HIF1AN: variants seen among roughly 807,000 people sequenced by gnomAD.
HIF1AN encodes hypoxia inducible factor 1 subunit alpha inhibitor, also known as hypoxia-inducible factor 1-alpha inhibitor.
A neutral mutation model predicts 47.7 loss-of-function variants in HIF1AN; 21 were observed. The ratio of observed to expected loss-of-function variants is 0.44; its 90% confidence interval spans 0.31 to 0.63. The LOEUF (loss-of-function observed/expected upper bound fraction) is 0.63. HIF1AN is among the 30% of genes least tolerant of loss of function. The pLI, the probability that HIF1AN is intolerant of heterozygous loss-of-function variation, is 0.07. For missense variants in HIF1AN, 320 were observed against 432.7 expected, an observed-to-expected ratio of 0.74 and a Z score of 2.31; for synonymous variants, 152 against 155.9, an observed-to-expected ratio of 0.98 and a Z score of 0.18.
At chr10:100,540,161 CTT>C (rs71976123) in intron 2 of HIF1AN, among the ~76,000 whole-genome samples, 38 of 143,478 alleles carry the variant, frequency 2.6e-4, no homozygotes, top group East Asian at 4.0e-4. Context: ...TCTCCAGGTT[CTT>C]TTTTTTTTTT....
intron 3 of HIF1AN, among the ~76,000 whole-genome samples, chr10:100,543,427 CCCTCTCACCTTGGCCCCCTAAGTGAT>C (rs1159928411): frequency 6.6e-5 from 10 of 152,016 alleles, no homozygotes; most frequent in Non-Finnish European, 1.3e-4. Flanking sequence ...ACTCCTGGCC[CCCTCTCACCTTGGCCCCCTAAGTGAT>C]CCTCTCACCT....
intron 3 of HIF1AN, among the ~76,000 whole-genome samples, chr10:100,542,499 G>A (rs375384490): frequency 9.9e-5 from 15 of 151,998 alleles, no homozygotes; most frequent in African/African-American, 3.4e-4. Context: ...GACTACGGGC[G>A]CCCGCCACCA....
chr10:100,543,085 G>C (rs1843059004), intron 3 of HIF1AN, among the ~76,000 whole-genome samples: 1 of 152,094 alleles, frequency 6.6e-6, no homozygotes, highest in South Asian at 2.1e-4. Flanking sequence ...GTTTCTTCTT[G>C]TTTGATTGTC....
In HIF1AN at chr10:100,545,134, G is replaced by GATAT. The variant is rs1843081526; in HGVS notation, c.723+40_723+41insATAT. Reference sequence around the variant, plus strand: ...GGTCTGAGAAGGGTATAGAACTCTAGATTCTAGTAATGCCTAGGCTGGAAT... The same window carrying GATAT: ...GGTCTGAGAAGGGTATAGAACTCTAGATATATTCTAGTAATGCCTAGGCTGGAAT... On this transcript the variant is annotated intron_variant, in intron 4 of 7. Coordinates refer to ENST00000299163, the MANE Select transcript of HIF1AN (RefSeq NM_017902.3). 6 of 1,594,840 alleles carry GATAT rather than the reference G, an allele frequency of 3.8e-6. No homozygotes were observed. The Admixed American group carries it at 8.5e-5, about 23-fold the overall frequency.
intron 5 of HIF1AN, 76 bp downstream of exon 5, chr10:100,546,125 T>C (rs1843091583): frequency 3.9e-6 from 4 of 1,018,328 alleles, no homozygotes; most frequent in African/African-American, 1.6e-5. Flanking sequence ...TCTGTGTCGC[T>C]TCTGAGTTAT....
intron 3 of HIF1AN, 114 bp from the exon 4 acceptor site, chr10:100,544,837 T>A: frequency 1.0e-6 from 1 of 982,826 alleles, no homozygotes; most frequent in East Asian, 2.4e-5. Context: ...AAATTTTGAT[T>A]TGGAACTTTT....
At position 100,552,289 on chromosome 10, in the gene HIF1AN, C is replaced by G. The variant is rs899328231; in HGVS notation, c.*4152C>G. ...GTTCTCTCTTTCAGAATGGGAACTTCCCAAAAATGGGGCTGCGTCTCGCCT... is the reference window on the plus strand; with the variant it reads ...GTTCTCTCTTTCAGAATGGGAACTTGCCAAAAATGGGGCTGCGTCTCGCCT... On this transcript the variant is annotated 3_prime_UTR_variant, in exon 8 of 8. Transcript: ENST00000299163. 1 of 152,204 alleles carries G rather than the reference C, an allele frequency of 6.6e-6. No individual in the cohort carries two copies. Among genetic ancestry groups the G allele is most frequent in the Non-Finnish European group, 1.5e-5 (1 of 68,058 alleles). 9.4% of individuals were successfully genotyped at this position (152,204 alleles called of 1,614,324 possible).
chr10:100,546,042 A>G lies in HIF1AN; in HGVS notation c.823A>G (p.Met275Val), dbSNP rs1424664313. 8.1e-6 allele frequency: 13 copies of G among 1,608,526 alleles called. No individual in the cohort carries two copies. Among genetic ancestry groups the G allele is most frequent in the Admixed American group, 5.0e-5 (3 of 59,990 alleles). Residue 275 changes from methionine to valine, a missense_variant, in exon 5 of 8, where the codon ATG becomes GTG. Physicochemically the swap from Met to Val is conservative, Grantham distance 21. Around this residue, in one of 2 missense-constraint regions of HIF1AN, gnomAD observed 161 missense variants for 272.8 expected, o/e 0.59. Coordinates refer to ENST00000299163, the MANE Select transcript of HIF1AN (RefSeq NM_017902.3). ...VGPGDVLYIP[M>V]YWWHHIESLL... is the part of the protein sequence containing the mutation. ...CCCTGGTGATGTTCTTTACATCCCA[A>G]TGTACTGGTGAGAAGGGGGCTAGGG...
rs1843136273 is a variant in HIF1AN at position 100,549,728 on chromosome 10, G to A, written c.*1591G>A. On this transcript the variant is annotated 3_prime_UTR_variant, in exon 8 of 8. Coordinates refer to ENST00000299163, the MANE Select transcript of HIF1AN (RefSeq NM_017902.3). ...ACCTTCTCTCTGGAAGGGAAGAGGAGTTGGAAGGTCTCTGGTTTTCTTTTC... is the reference window on the plus strand; with the variant it reads ...ACCTTCTCTCTGGAAGGGAAGAGGAATTGGAAGGTCTCTGGTTTTCTTTTC... 1 of 151,604 alleles carries A rather than the reference G, an allele frequency of 6.6e-6. No homozygotes were observed. The highest frequency in any genetic ancestry group is 6.6e-5 in the Admixed American group (1 of 15,218). 9.4% of individuals were successfully genotyped at this position (151,604 alleles called of 1,614,324 possible).
intron 7 of HIF1AN, among the ~76,000 whole-genome samples, 187 bp downstream of exon 7, chr10:100,547,437 A>G (rs929467100): frequency 2.0e-5 from 3 of 152,236 alleles, no homozygotes; most frequent in Admixed American, 1.3e-4. Flanking sequence ...ATCAATTATA[A>G]TTAGTTCCAT....
intron 3 of HIF1AN, among the ~76,000 whole-genome samples, chr10:100,541,494 T>G (rs185590587): frequency 2.4e-3 from 358 of 152,258 alleles, no homozygotes; most frequent in African/African-American, 8.3e-3. Flanking sequence ...TCTGTTTTTT[T>G]TTGTTGTTGT....
chr10:100,547,044 T>C (rs913190919), intron 6 of HIF1AN, 96 bp from the exon 7 acceptor site: 31 of 892,258 alleles, frequency 3.5e-5, no homozygotes, highest in Admixed American at 4.6e-5. Flanking sequence ...CCGGCAAGAA[T>C]TGGGTTTCTT....
At position 100,536,680 on chromosome 10, in the gene HIF1AN, A is replaced by C. The variant is rs1356521157; in HGVS notation, c.428+19A>C. ...AAGAGAGGTAAATTCCGAAAGCTTA[A>C]TTTTCTGTTGGATTTAGGACACTCA... On this transcript the variant is annotated intron_variant, in intron 2 of 7. Coordinates refer to ENST00000299163, the MANE Select transcript of HIF1AN (RefSeq NM_017902.3). 1 of 1,612,906 alleles carries C rather than the reference A, an allele frequency of 6.2e-7. No homozygotes were observed. The highest frequency in any genetic ancestry group is 1.1e-5 in the South Asian group (1 of 91,022).
At chr10:100,547,299 G>A (rs1299225325) in intron 7 of HIF1AN, 49 bp downstream of exon 7, 3 of 1,122,668 alleles carry the variant, frequency 2.7e-6, no homozygotes, top group Non-Finnish European at 4.1e-6. Context: ...ACCAAGGAAA[G>A]TCAGGATCAG....
rs151131396 is a variant in HIF1AN at position 100,549,065 on chromosome 10, C to T, written c.*928C>T. On this transcript the variant is annotated 3_prime_UTR_variant, in exon 8 of 8. Transcript: ENST00000299163. ...CTGGGTGTGTGTGTGTGTGTGCGTGCGTGTGTGTGTGTGTGTCCGTGTGTG... is the reference window on the plus strand; with the variant it reads ...CTGGGTGTGTGTGTGTGTGTGCGTGTGTGTGTGTGTGTGTGTCCGTGTGTG... 0.014 allele frequency: 1,570 copies of T among 108,470 alleles called. 39 individuals are homozygous for T. The highest frequency in any genetic ancestry group is 0.046 in the African/African-American group (1,471 of 31,980). The allele number at this position is 108,470 out of a possible 1,614,324, so 6.7% of individuals were successfully genotyped here.
intron 2 of HIF1AN, 120 bp from the exon 3 acceptor site, chr10:100,540,514 A>G (rs971932671): frequency 2.7e-6 from 3 of 1,101,616 alleles, no homozygotes; most frequent in East Asian, 5.0e-5. Context: ...TTGCCTGACT[A>G]CATCTGTTCT....
intron 2 of HIF1AN, among the ~76,000 whole-genome samples, chr10:100,536,915 T>C (rs1852230607): frequency 6.6e-6 from 1 of 152,158 alleles, no homozygotes; most frequent in Non-Finnish European, 1.5e-5. Flanking sequence ...AATCTCTGGG[T>C]TCCCATCTTC....
chr10:100,546,441 C>T, intron 5 of HIF1AN, 77 bp from the exon 6 acceptor site: 3 of 683,240 alleles, frequency 4.4e-6, no homozygotes, highest in Non-Finnish European at 5.2e-6. Flanking sequence ...CCCAACCCTG[C>T]CACCCCCCCG....
At chr10:100,537,588 C>G (rs1490923380) in intron 2 of HIF1AN, among the ~76,000 whole-genome samples, 1 of 152,232 alleles carries the variant, frequency 6.6e-6, no homozygotes, top group African/African-American at 2.4e-5. Context: ...GATTCTTCCT[C>G]TCTGCTTTTA....
Sources: allele counts gnomAD v4.1 joint callset (sites outside exome capture counted in the v4.1 genomes callset), GRCh38; gene constraint gnomAD v4.1.1; regional missense constraint gnomAD v4.1.1; transcripts MANE v1.5; gene names NCBI Gene and HGNC (gene_info 2026-07-23, HGNC 2026-07-21).